TBCE: variants seen among roughly 807,000 people sequenced by gnomAD.
TBCE encodes tubulin folding cofactor E, also known as tubulin-specific chaperone E.
Under a neutral mutation model 77.0 loss-of-function variants are expected in TBCE, and 53 were observed. The ratio of observed to expected loss-of-function variants is 0.69; its 90% CI spans 0.55 to 0.87. TBCE has a LOEUF of 0.87. Among genes scored for constraint, TBCE ranks in the 40% least tolerant of loss-of-function variants. The pLI is 0.00. For missense variants in TBCE, 624 were observed against 622.4 expected, an observed-to-expected ratio of 1.00 and a Z score of -0.03; for synonymous variants, 235 against 241.3, an observed-to-expected ratio of 0.97 and a Z score of 0.24.
chr1:235,406,829 CTTTTTTTTT>C (rs141351182), intron 3 of TBCE, among the ~76,000 whole-genome samples: 1 of 76,168 alleles, frequency 1.3e-5, no homozygotes, highest in Non-Finnish European at 2.4e-5. Context: ...TGCTCCTGGG[CTTTTTTTTT>C]TTTTTTTTTT....
intron 13 of TBCE, chr1:235,441,469 T>G (rs1016314174): frequency 3.4e-6 from 1 of 292,114 alleles, no homozygotes; most frequent in African/African-American, 2.2e-5. Flanking sequence ...TTGAAGGCAG[T>G]CTTCTCTTGC....
intron 2 of TBCE, among the ~76,000 whole-genome samples, chr1:235,395,365 T>G (rs1678658550): frequency 6.6e-6 from 1 of 152,112 alleles, no homozygotes; most frequent in Non-Finnish European, 1.5e-5. Context: ...ACAGCCCAAT[T>G]ATACCCTTTT....
intron 5 of TBCE, among the ~76,000 whole-genome samples, chr1:235,423,101 C>G (rs1680492350): frequency 6.6e-6 from 1 of 152,174 alleles, no homozygotes; most frequent in African/African-American, 2.4e-5. Flanking sequence ...TTAATCCAGT[C>G]ATCCTTTTTT....
chr1:235,441,871 A>G lies in TBCE; in HGVS notation c.1328A>G (p.Asn443Ser). The change falls in exon 14 of 17, where the codon AAC becomes AGC. Residue 443 changes from asparagine to serine, a missense_variant. Transcript: ENST00000642610. The part of the protein sequence containing the change: ...LKTQQPLMLK[N>S]QLLTLKIKYP... ...ACACAGCAACCACTTATGCTGAAAAACCAGCTACTAAGTAAGAATCTCAGA... is the reference window on the plus strand; with the variant it reads ...ACACAGCAACCACTTATGCTGAAAAGCCAGCTACTAAGTAAGAATCTCAGA... 1 of 1,613,924 alleles carries G rather than the reference A, an allele frequency of 6.2e-7. No homozygotes were observed. The highest frequency in any genetic ancestry group is 8.5e-7 in the Non-Finnish European group (1 of 1,179,914).
chr1:235,411,524 G>T (rs372049065), intron 3 of TBCE, among the ~76,000 whole-genome samples: 1 of 152,154 alleles, frequency 6.6e-6, no homozygotes, highest in South Asian at 2.1e-4. Context: ...CCAAGAGAGG[G>T]TTCTAGGATC....
At chr1:235,443,004 A>AGT in intron 15 of TBCE, 93 bp downstream of exon 15, 1 of 1,242,310 alleles carries the variant, frequency 8.0e-7, no homozygotes, top group Non-Finnish European at 1.2e-6. Context: ...CATGTCTCAA[A>AGT]GTGTGGACCT....
At chr1:235,442,248 G>A (rs55707323) in intron 14 of TBCE, among the ~76,000 whole-genome samples, 6,021 of 152,152 alleles carry the variant, frequency 0.04, 244 homozygotes, top group African/African-American at 0.1. Flanking sequence ...TTGGCTCACC[G>A]CAACCTCCGC....
Position 235,438,809 on chromosome 1 carries a change from GA to G in TBCE, c.1161del (p.Ala388LeufsTer36). The G allele has an allele frequency of 6.2e-7, 1 of 1,614,056 alleles. No individual in the cohort carries two copies. Among genetic ancestry groups the G allele is most frequent in the Middle Eastern group, 1.6e-4 (1 of 6,062 alleles). On this transcript the variant is annotated frameshift_variant, in exon 13 of 17. Transcript: ENST00000642610. LOFTEE classifies it high-confidence loss of function. ...AGGCGGAGAGCTGAGCTTGACTACC[GA>G]AAAGCTTTTGGAAATGAGTGGAAAC... ...EERRRAELDY[R>X]KAFGNEWKQA...
chr1:235,415,078 C>T (rs1680035770), intron 4 of TBCE: 3 of 224,698 alleles, frequency 1.3e-5, no homozygotes, highest in African/African-American at 4.6e-5. Flanking sequence ...GAACATGCGG[C>T]ATCCTTGGTC....
Position 235,424,245 on chromosome 1 carries a change from G to T in TBCE, c.461-2895G>T, listed in dbSNP as rs139407287. On this transcript the variant is annotated intron_variant, in intron 5 of 16. Transcript: ENST00000642610. Reference sequence around the variant, plus strand: ...AACCCAGCAATCAGCATAGTGCCTGGGTCTGGTTAGCAGTGGCAGCAGCAG... The same window carrying T: ...AACCCAGCAATCAGCATAGTGCCTGTGTCTGGTTAGCAGTGGCAGCAGCAG... Among the ~76,000 whole-genome samples the T allele has an allele frequency of 5.6e-3, 847 of 151,900 alleles. 3 individuals are homozygous for T. The highest frequency in any genetic ancestry group is 7.4e-3 in the Admixed American group (113 of 15,240).
chr1:235,435,861 T>A, intron 9 of TBCE, 21 bp downstream of exon 9: 1 of 1,593,770 alleles, frequency 6.3e-7, no homozygotes, highest in Non-Finnish European at 8.6e-7. Flanking sequence ...CCTAAATGCC[T>A]GATACAATAG....
chr1:235,383,428 T>C (rs993313853), intron 2 of TBCE, among the ~76,000 whole-genome samples: 3 of 152,194 alleles, frequency 2.0e-5, no homozygotes, highest in African/African-American at 7.2e-5. Flanking sequence ...TTTCACGATA[T>C]TAATTCTTCC....
rs769172119 is a variant in TBCE, at chr1:235,438,929, G to C, written c.1270+7G>C. 42 of 1,614,020 alleles carry C rather than the reference G, an allele frequency of 2.6e-5. No individual in the cohort carries two copies. The highest frequency in any genetic ancestry group is 3.4e-5 in the Non-Finnish European group (40 of 1,180,040). On this transcript the variant is annotated splice_region_variant and intron_variant, in intron 13 of 16. Coordinates refer to ENST00000642610, the MANE Select transcript of TBCE (RefSeq NM_003193.5). Reference sequence around the variant, plus strand: ...TACCAGTTCCTCTGCCTGAGTACGTGCGTATACACTGGTGGCCTTCAGGTG... The same window carrying C: ...TACCAGTTCCTCTGCCTGAGTACGTCCGTATACACTGGTGGCCTTCAGGTG...
chr1:235,428,956 T>C (rs1307658736), intron 6 of TBCE, among the ~76,000 whole-genome samples: 1 of 146,710 alleles, frequency 6.8e-6, no homozygotes, highest in Non-Finnish European at 1.5e-5. Flanking sequence ...TATGTATGTA[T>C]ATATGTATGT....
At chr1:235,393,409 G>A (rs1249556540) in intron 2 of TBCE, among the ~76,000 whole-genome samples, 1 of 151,926 alleles carries the variant, frequency 6.6e-6, no homozygotes, top group East Asian at 1.9e-4. Flanking sequence ...GTGGTGGCAC[G>A]TGCCTGTAAT....
chr1:235,405,185 C>T (rs1364459215), intron 3 of TBCE, among the ~76,000 whole-genome samples: 1 of 151,832 alleles, frequency 6.6e-6, no homozygotes, highest in Non-Finnish European at 1.5e-5. Context: ...CTGGTCTCGA[C>T]CTCCTGATCT....
intron 15 of TBCE, among the ~76,000 whole-genome samples, chr1:235,444,270 A>G (rs1682094507): frequency 6.6e-6 from 1 of 152,198 alleles, no homozygotes; most frequent in South Asian, 2.1e-4. Context: ...TGTAATATGT[A>G]ATTTGGCTAC....
intron 2 of TBCE, among the ~76,000 whole-genome samples, chr1:235,389,916 A>C (rs1459406703): frequency 6.6e-6 from 1 of 152,086 alleles, no homozygotes; most frequent in East Asian, 1.9e-4. Context: ...TGAAGTCAGG[A>C]GTTTGAGACC....
At chr1:235,406,235 C>T (rs868524247) in intron 3 of TBCE, among the ~76,000 whole-genome samples, 5 of 152,152 alleles carry the variant, frequency 3.3e-5, no homozygotes, top group African/African-American at 7.2e-5. Flanking sequence ...GTCTGGACTA[C>T]AGGAATTTAA....
Sources: gnomAD v4.1 joint callset for allele counts (sites outside exome capture counted in the v4.1 genomes callset) on GRCh38, gnomAD v4.1.1 for gene constraint, MANE v1.5 for transcripts, NCBI Gene and HGNC (gene_info 2026-07-23, HGNC 2026-07-21) for gene names.